Variants in TCF7L2 observed in about 807,000 individuals in gnomAD.
TCF7L2 encodes transcription factor 7-like 2.
TCF7L2 carries 23 observed loss-of-function variants against 77.9 expected under a neutral mutation model. The observed-to-expected ratio is 0.30, with a 90% confidence interval of 0.21 to 0.42. The LOEUF is 0.42. Ranked by LOEUF, TCF7L2 falls within the 10% of genes least tolerant of loss-of-function variation. The pLI is 1.00. For missense variants in TCF7L2, 654 were observed against 793.1 expected, an observed-to-expected ratio of 0.82 and a Z score of 2.11; for synonymous variants, 413 against 340.2, an observed-to-expected ratio of 1.21 and a Z score of -2.36.
intron 5 of TCF7L2, among the ~76,000 whole-genome samples, chr10:113,107,520 G>A (rs1180644568): frequency 6.6e-6 from 1 of 151,292 alleles, no homozygotes; most frequent in Non-Finnish European, 1.5e-5. Context: ...GAGGCGGGTG[G>A]ATCACGAGGT....
chr10:113,126,837 G>T, intron 5 of TCF7L2: 1 of 987,144 alleles, frequency 1.0e-6, no homozygotes, highest in Non-Finnish European at 1.2e-6. Context: ...CAGCATGCCC[G>T]CGAGCCGGCA....
At chr10:113,077,331 A>C (rs1330999902) in intron 5 of TCF7L2, among the ~76,000 whole-genome samples, 1 of 152,250 alleles carries the variant, frequency 6.6e-6, no homozygotes. Context: ...CTCCAGAATT[A>C]AAAAATAAGT....
intron 5 of TCF7L2, among the ~76,000 whole-genome samples, chr10:113,114,152 T>TG (rs1426992764): frequency 2.0e-5 from 3 of 152,258 alleles, no homozygotes; most frequent in Non-Finnish European, 2.9e-5. Context: ...ATGTTTGCTC[T>TG]GGCACTGTAG....
intron 5 of TCF7L2, among the ~76,000 whole-genome samples, chr10:113,047,242 A>C (rs1026934199): frequency 2.0e-5 from 3 of 152,238 alleles, no homozygotes; most frequent in Non-Finnish European, 4.4e-5. Flanking sequence ...TTCTTGATAC[A>C]TAGCCACAGA....
intron 5 of TCF7L2, among the ~76,000 whole-genome samples, chr10:113,095,239 C>T (rs935596505): frequency 2.0e-5 from 3 of 152,116 alleles, no homozygotes; most frequent in African/African-American, 4.8e-5. Context: ...CCATAATGCC[C>T]CCTTGATGTA....
chr10:113,038,699 G>C (rs1021962424), intron 4 of TCF7L2, among the ~76,000 whole-genome samples: 8 of 151,956 alleles, frequency 5.3e-5, no homozygotes, highest in Non-Finnish European at 1.0e-4. Flanking sequence ...CAGAAATTCT[G>C]TCATCTTTCT....
chr10:113,101,638 C>G (rs559165640), intron 5 of TCF7L2, among the ~76,000 whole-genome samples: 4 of 151,290 alleles, frequency 2.6e-5, no homozygotes, highest in Non-Finnish European at 5.9e-5. Context: ...GTCAGGAGAT[C>G]GAGATCATCC....
At chr10:113,152,499 G>A (rs765250395) in intron 11 of TCF7L2, 59 bp downstream of exon 11, 188 of 1,437,564 alleles carry the variant, frequency 1.3e-4, no homozygotes, top group South Asian at 2.4e-4. Context: ...GCGTCTATAC[G>A]GACAAAGAGA....
chr10:113,072,865 G>A (rs142720681), intron 5 of TCF7L2, among the ~76,000 whole-genome samples: 133 of 152,286 alleles, frequency 8.7e-4, no homozygotes, highest in African/African-American at 3.1e-3. Context: ...GAAGCAGCAC[G>A]AGTCTCCATA....
rs371533589 is a variant in TCF7L2, at chr10:113,034,965, CTCCTTCCCTTTCCTCCCCTT to C, written c.451-5046_451-5027del. On this transcript the variant is annotated intron_variant, in intron 4 of 13. Transcript: ENST00000627217. The stretch of plus-strand genomic sequence containing the variant: ...CCTTTTCCTTCCCCTCTCCCCTCCC[CTCCTTCCCTTTCCTCCCCTT>C]TCCTTCCCTTTCCATCTCTTTCCTT... Among the ~76,000 whole-genome samples the C allele has an allele frequency of 2.9e-3, 444 of 152,176 alleles. 5 individuals are homozygous for C. The highest frequency in any genetic ancestry group is 0.017 in the Middle Eastern group (5 of 294).
chr10:112,982,120 CAT>C (rs1227386219), intron 4 of TCF7L2, among the ~76,000 whole-genome samples: 1 of 152,236 alleles, frequency 6.6e-6, no homozygotes, highest in African/African-American at 2.4e-5. Context: ...GCTTTTCTAT[CAT>C]CTCCTTTGGG....
chr10:113,103,054 C>T (rs1042239252), intron 5 of TCF7L2, among the ~76,000 whole-genome samples: 2 of 152,102 alleles, frequency 1.3e-5, no homozygotes, highest in African/African-American at 4.8e-5. Context: ...CATTTTTTCT[C>T]ATTTTATAGA....
Position 113,033,836 on chromosome 10 carries a change from G to A in TCF7L2, c.451-6189G>A, listed in dbSNP as rs72826093. On this transcript the variant is annotated intron_variant, in intron 4 of 13. Coordinates refer to ENST00000627217, the MANE Select transcript of TCF7L2 (RefSeq NM_001146274.2). ...CATCTGCAGAAAAGTTGGTTAAACA[G>A]ACTTTGTAATGATGCCCCTTACAAT... is the stretch of plus-strand genomic sequence containing the variant. 3.4e-3 allele frequency among the ~76,000 whole-genome samples: 519 copies of A among 152,338 alleles called. 2 individuals are homozygous for A. Among genetic ancestry groups the A allele is most frequent in the Non-Finnish European group, 5.5e-3 (371 of 68,036 alleles).
chr10:113,098,730 AT>A (rs1481740081), intron 5 of TCF7L2, among the ~76,000 whole-genome samples: 1 of 152,136 alleles, frequency 6.6e-6, no homozygotes, highest in Admixed American at 6.5e-5. Context: ...AACAAAAAAA[AT>A]GTATTTTAAA....
At position 112,965,350 on chromosome 10, in the gene TCF7L2, A is replaced by G. The variant is rs200043292; in HGVS notation, c.450+726A>G. On this transcript the variant is annotated intron_variant, in intron 4 of 13. Transcript: ENST00000627217. ...TGAACTGATGCCAGCAGAATGCAGT[A>G]GAGGAGGGAGAGCAGACTAATACGA... Among the ~76,000 whole-genome samples, 6 of 152,324 alleles carry G rather than the reference A, an allele frequency of 3.9e-5. No homozygotes were observed. In the East Asian group the frequency reaches 1.2e-3, roughly 29 times the overall value.
At chr10:113,158,559 G>A (rs1375944831) in intron 12 of TCF7L2, 108 bp from the exon 13 acceptor site, 1 of 1,084,638 alleles carries the variant, frequency 9.2e-7, no homozygotes, top group African/African-American at 1.6e-5. Flanking sequence ...GAAGAAATTA[G>A]AAATACTGCA....
At chr10:113,092,205 C>G (rs1316128458) in intron 5 of TCF7L2, among the ~76,000 whole-genome samples, 2 of 152,194 alleles carry the variant, frequency 1.3e-5, no homozygotes, top group Admixed American at 1.3e-4. Context: ...CAGCCTTGTC[C>G]TCAGAACCCA....
intron 4 of TCF7L2, among the ~76,000 whole-genome samples, chr10:113,013,098 GGT>G (rs1361914978): frequency 6.7e-6 from 1 of 149,568 alleles, no homozygotes; most frequent in Non-Finnish European, 1.5e-5. Flanking sequence ...CCTCTCCCAT[GGT>G]TTATAAGCAA....
At chr10:113,125,395 T>G (rs2136367447) in intron 5 of TCF7L2, 2 of 152,184 alleles carry the variant, frequency 1.3e-5, no homozygotes, top group Middle Eastern at 6.8e-3. Context: ...TTTTTCCCCT[T>G]CATACATAAT....
Sources: allele counts gnomAD v4.1 joint callset (sites outside exome capture counted in the v4.1 genomes callset), GRCh38; gene constraint gnomAD v4.1.1; transcripts MANE v1.5; gene names NCBI Gene and HGNC (gene_info 2026-07-23, HGNC 2026-07-21).